The following TMCO4 variants were observed in gnomAD, a reference collection of about 807,000 sequenced individuals.
TMCO4 encodes transmembrane and coiled-coil domains 4, also known as transmembrane and coiled-coil domain-containing protein 4.
Under a neutral mutation model 64.7 loss-of-function variants are expected in TMCO4, and 58 were observed. The observed-to-expected ratio is 0.90, with a 90% CI of 0.73 to 1.12. The LOEUF (loss-of-function observed/expected upper bound fraction) is 1.12, where lower values mean the gene tolerates loss of function less well. Ranked by LOEUF, TMCO4 falls within the 50% of genes most tolerant of loss-of-function variation. The probability of loss-of-function intolerance (pLI) is 0.00; values close to 1 mark genes in which losing one functional copy is unlikely to be tolerated. For missense variants in TMCO4, 780 were observed against 825.9 expected (o/e 0.94, Z 0.68); for synonymous variants, 325 against 346.1 (o/e 0.94, Z 0.68).
chr1:19,771,431 A>G lies in TMCO4; in HGVS notation c.231T>C (p.Ser77=), dbSNP rs776578560. ...CAGTCATGGTTGGCAAGACAGCTTC[A>G]GACAACTCCAGCCACTGCACCAGGC... ...MAGLVQWLEL[S]EAVLPTMTAF... The change falls in exon 5 of 16, where the codon TCT becomes TCC. Residue 77 remains serine (S), a synonymous_variant. Transcript: ENST00000294543. 4 of 1,614,158 alleles carry G rather than the reference A, an allele frequency of 2.5e-6. No homozygotes were observed. Among genetic ancestry groups the G allele is most frequent in the South Asian group, 2.2e-5 (2 of 91,088 alleles).
At chr1:19,716,391 T>TG (rs1195454837) in intron 13 of TMCO4, among the ~76,000 whole-genome samples, 1 of 148,268 alleles carries the variant, frequency 6.7e-6, no homozygotes, top group Non-Finnish European at 1.5e-5. Flanking sequence ...CTTTTTTTTT[T>TG]TTTTTTGTTT....
At chr1:19,795,117 A>G (rs1411806221) in intron 2 of TMCO4, among the ~76,000 whole-genome samples, 1 of 152,178 alleles carries the variant, frequency 6.6e-6, no homozygotes, top group Non-Finnish European at 1.5e-5. Context: ...CTACACACTT[A>G]AAATGATTAC....
At chr1:19,733,426 A>ATTCC (rs1419813561) in intron 13 of TMCO4, among the ~76,000 whole-genome samples, 1 of 152,134 alleles carries the variant, frequency 6.6e-6, no homozygotes, top group Non-Finnish European at 1.5e-5. Context: ...CACAGAATCG[A>ATTCC]TTCCTTTACT....
chr1:19,683,056 C>T lies in TMCO4; in HGVS notation c.1889G>A (p.Ser630Asn), dbSNP rs1417021814. The T allele has an allele frequency of 6.3e-7, 1 of 1,591,094 alleles. No homozygotes were observed. Among genetic ancestry groups the T allele is most frequent in the South Asian group, 1.2e-5 (1 of 86,884 alleles). The change falls in exon 16 of 16, where the codon AGC becomes AAC. Residue 630 changes from serine to asparagine, a missense_variant. Transcript: ENST00000294543. ...PDCACKTQGP[S>N]TGLD Reference sequence around the variant, plus strand: ...CTGCTGTGGTCAGTCCAGCCCCGTGCTGGGGCCCTGGGTCTTGCAGGCACA... The same window carrying T: ...CTGCTGTGGTCAGTCCAGCCCCGTGTTGGGGCCCTGGGTCTTGCAGGCACA...
Position 19,734,465 on chromosome 1 carries a change from T to C in TMCO4, c.1264+2907A>G, listed in dbSNP as rs2095444220. Reference sequence around the variant, plus strand: ...TGCCCCCGGGTCCTCCTTGGCAGGATCCACTCAGTTACTCATTCACTCCAC... The same window carrying C: ...TGCCCCCGGGTCCTCCTTGGCAGGACCCACTCAGTTACTCATTCACTCCAC... On this transcript the variant is annotated intron_variant, in intron 13 of 15. Transcript: ENST00000294543. This position sits in a 1 kb window ranked among gnomAD's most constrained non-coding sequence, Gnocchi z 4.4. Among the ~76,000 whole-genome samples, 1 of 152,092 alleles carries C rather than the reference T, an allele frequency of 6.6e-6. No homozygotes were observed. Among genetic ancestry groups the C allele is most frequent in the South Asian group, 2.1e-4 (1 of 4,828 alleles).
At chr1:19,727,719 A>G (rs1270775949) in intron 13 of TMCO4, among the ~76,000 whole-genome samples, 1 of 152,212 alleles carries the variant, frequency 6.6e-6, no homozygotes, top group Non-Finnish European at 1.5e-5. Flanking sequence ...GTATATACCC[A>G]AAGGAAGATA....
At chr1:19,740,730 G>A (rs1266079034) in intron 11 of TMCO4, 47 bp downstream of exon 11, 14 of 1,571,150 alleles carry the variant, frequency 8.9e-6, no homozygotes, top group Admixed American at 1.7e-5. Context: ...GTGTTGGGAT[G>A]AAGGCAGTGG....
chr1:19,734,669 C>T lies in TMCO4; in HGVS notation c.1264+2703G>A, dbSNP rs996025852. Among the ~76,000 whole-genome samples the T allele has an allele frequency of 3.3e-5, 5 of 152,122 alleles. No individual in the cohort carries two copies. Among genetic ancestry groups the T allele is most frequent in the Non-Finnish European group, 7.4e-5 (5 of 68,010 alleles). ...CCGTTTCTAGACACCCCTGAGAGCC[C>T]CGCCTTTGCCCATGCTGGCCGACCC... On this transcript the variant is annotated intron_variant, in intron 13 of 15. Coordinates refer to ENST00000294543, the MANE Select transcript of TMCO4 (RefSeq NM_181719.7). The surrounding 1 kb of genome is among the most constrained non-coding windows in gnomAD (Gnocchi z 4.4).
At chr1:19,698,583 C>T (rs530849851) in intron 14 of TMCO4, among the ~76,000 whole-genome samples, 18 of 152,336 alleles carry the variant, frequency 1.2e-4, no homozygotes, top group African/African-American at 3.6e-4. Flanking sequence ...CCCTCTTACC[C>T]TCCATGTTTA....
rs2100797426 is a variant in TMCO4 at position 19,732,491 on chromosome 1, G to A, written c.1264+4881C>T. 6.6e-6 allele frequency among the ~76,000 whole-genome samples: 1 copy of A among 152,236 alleles called. No homozygotes were observed. Among genetic ancestry groups the A allele is most frequent in the Admixed American group, 6.5e-5 (1 of 15,296 alleles). On this transcript the variant is annotated intron_variant, in intron 13 of 15. Transcript: ENST00000294543. The surrounding 1 kb of genome is among the most constrained non-coding windows in gnomAD (Gnocchi z 4.8). The stretch of plus-strand genomic sequence containing the variant: ...TCAGTGTGTTCTTGACCAAAGTCAA[G>A]GCACAGGATGACCAGCGTCCTTTCT...
In TMCO4 at chr1:19,740,951, T is replaced by C. The variant is rs1239823497; in HGVS notation, c.878-10A>G. 5.0e-6 allele frequency: 8 copies of C among 1,591,900 alleles called. No individual in the cohort carries two copies. Among genetic ancestry groups the C allele is most frequent in the East Asian group, 2.2e-5 (1 of 44,500 alleles). ...GGGGCACTGAAGGTGCCTGGGGAGA[T>C]CACAGGTAGGTGAAGTCTCTCTTGT... On this transcript the variant is annotated splice_polypyrimidine_tract_variant and intron_variant, in intron 10 of 15. Transcript: ENST00000294543.
At chr1:19,777,046 A>G (rs964614547) in intron 4 of TMCO4, among the ~76,000 whole-genome samples, 497 of 151,462 alleles carry the variant, frequency 3.3e-3, no homozygotes, top group African/African-American at 0.011. Context: ...AAAAAAAAAA[A>G]AAAGAAAAGA....
At position 19,682,492 on chromosome 1, in the gene TMCO4, T is replaced by C. The variant is rs1159738184; in HGVS notation, c.*548A>G. Reference sequence around the variant, plus strand: ...AGCCTACATGGCTGTACAGGGCAGATCTGATTGGATCTCCTAAGAGCAGGA... The same window carrying C: ...AGCCTACATGGCTGTACAGGGCAGACCTGATTGGATCTCCTAAGAGCAGGA... On this transcript the variant is annotated 3_prime_UTR_variant, in exon 16 of 16. Transcript: ENST00000294543. 7.6e-6 allele frequency: 5 copies of C among 661,902 alleles called. No individual in the cohort carries two copies. The highest frequency in any genetic ancestry group is 7.1e-5 in the African/African-American group (4 of 56,150). The allele number at this position is 661,902 out of a possible 1,614,324, so 41.0% of individuals were successfully genotyped here. A position where few individuals can be genotyped will look rare whatever the true frequency, so the allele number is the denominator to read the frequency against.
At chr1:19,747,331 A>C (rs1570879865) in intron 7 of TMCO4, 71 bp from the exon 8 acceptor site, 3 of 1,322,142 alleles carry the variant, frequency 2.3e-6, no homozygotes, top group Non-Finnish European at 3.2e-6. Flanking sequence ...CACCACACCA[A>C]CCCTCAAACA....
intron 2 of TMCO4, among the ~76,000 whole-genome samples, chr1:19,795,982 G>A (rs2044288455): frequency 1.3e-5 from 2 of 152,126 alleles, no homozygotes; most frequent in Non-Finnish European, 2.9e-5. Flanking sequence ...CCTGCTTCCA[G>A]CCCACGCTGG....
intron 7 of TMCO4, among the ~76,000 whole-genome samples, chr1:19,748,363 G>A (rs181901432): frequency 1.1e-4 from 17 of 152,214 alleles, no homozygotes; most frequent in East Asian, 9.6e-4. Flanking sequence ...TTCGTTCTTC[G>A]TCCATTCAGT....
In TMCO4 at chr1:19,755,651, G is replaced by A. The variant is rs753213387; in HGVS notation, c.498C>T (p.Ile166=). The stretch of plus-strand genomic sequence containing the variant: ...TCTCTTACTCAGATTCCTCTTCTTT[G>A]ATTTCCTTCAGGCTCTCCAGGAACA... The part of the protein sequence containing the change: ...EEMFLESLKE[I]KEEESEMAEA... Residue 166 remains isoleucine (I), a synonymous_variant, in exon 7 of 16, where the codon ATC becomes ATT. Coordinates refer to ENST00000294543, the MANE Select transcript of TMCO4 (RefSeq NM_181719.7). 1.2e-6 allele frequency: 2 copies of A among 1,614,010 alleles called. No homozygotes were observed. The highest frequency in any genetic ancestry group is 1.3e-5 in the African/African-American group (1 of 75,002).
At chr1:19,741,090 G>A (rs1478466307) in intron 10 of TMCO4, 149 bp from the exon 11 acceptor site, 7 of 811,516 alleles carry the variant, frequency 8.6e-6, no homozygotes, top group Non-Finnish European at 1.3e-5. Context: ...GCTGTCAGCA[G>A]AGCTAGCGGA....
intron 13 of TMCO4, among the ~76,000 whole-genome samples, chr1:19,724,688 C>G (rs1057500698): frequency 6.6e-6 from 1 of 152,138 alleles, no homozygotes; most frequent in Non-Finnish European, 1.5e-5. Flanking sequence ...CCCAAGGGTA[C>G]CCAGACAGTA....
Sources: allele counts gnomAD v4.1 joint callset (sites outside exome capture counted in the v4.1 genomes callset), GRCh38; gene constraint gnomAD v4.1.1; non-coding constraint Gnocchi (gnomAD v3.1); transcripts MANE v1.5; gene names NCBI Gene and HGNC (gene_info 2026-07-23, HGNC 2026-07-21).